The following DYNAP variants were observed in gnomAD, a reference collection of about 807,000 sequenced individuals.
DYNAP encodes dynactin associated protein.
In DYNAP, 7 loss-of-function variants were observed where a neutral mutation model predicts 8.5. That is an observed-to-expected ratio of 0.82 (90% CI 0.47 to 1.54). The LOEUF (loss-of-function observed/expected upper bound fraction) is 1.54. DYNAP is among the 40% of genes most tolerant of loss of function. The pLI, the probability that DYNAP is intolerant of heterozygous loss-of-function variation, is 0.01. For synonymous variants in DYNAP, 77 were observed against 77.9 expected (o/e 0.99, Z 0.06); for missense variants, 256 against 224.3 (o/e 1.14, Z -0.90).
chr18:54,596,348 C>T (rs1911287799), intron 2 of DYNAP, among the ~76,000 whole-genome samples: 1 of 152,096 alleles, frequency 6.6e-6, no homozygotes, highest in Non-Finnish European at 1.5e-5. Context: ...GCTAGGATTA[C>T]AAGCATGAAC....
In DYNAP at chr18:54,599,085, A is replaced by G. The variant is rs1911431115; in HGVS notation, c.*940A>G. 6.6e-6 allele frequency: 1 copy of G among 152,116 alleles called. No homozygotes were observed. The allele number at this position is 152,116 out of a possible 1,614,324, so 9.4% of individuals were successfully genotyped here. A position where few individuals can be genotyped will look rare whatever the true frequency, so the allele number is the denominator to read the frequency against. On this transcript the variant is annotated 3_prime_UTR_variant, in exon 3 of 3. Transcript: ENST00000648945. ...CCAAGCCAATGTATTTCTTAAATGT[A>G]TTTGATTGATGTCTCATGTCTCCCT...
the DYNAP span, among the ~76,000 whole-genome samples, chr18:54,580,268 C>T: frequency 3.9e-4 from 60 of 152,282 alleles, 2 homozygotes; most frequent in South Asian, 0.012. Context: ...TAACAAAATA[C>T]TCCTTCAGCA....
chr18:54,592,433 G>A (rs1911117738), intron 1 of DYNAP, among the ~76,000 whole-genome samples: 1 of 151,496 alleles, frequency 6.6e-6, no homozygotes, highest in Non-Finnish European at 1.5e-5. Flanking sequence ...ATATTATTCA[G>A]GCATAGATAT....
the DYNAP span, among the ~76,000 whole-genome samples, chr18:54,577,276 T>G: frequency 6.6e-6 from 1 of 152,120 alleles, no homozygotes; most frequent in African/African-American, 2.4e-5. Context: ...TATTAATTTA[T>G]TAAGCTCCCT....
upstream of DYNAP, among the ~76,000 whole-genome samples, chr18:54,584,328 C>T (rs1296035698): frequency 6.7e-6 from 1 of 149,210 alleles, no homozygotes; most frequent in Non-Finnish European, 1.5e-5. Flanking sequence ...CCTAAGAATG[C>T]ATATTCAAGA....
chr18:54,591,473 A>T, intron 1 of DYNAP, 134 bp downstream of exon 1: 2 of 1,001,670 alleles, frequency 2.0e-6, no homozygotes, highest in African/African-American at 1.7e-5. Flanking sequence ...ATAAAGAGCA[A>T]CCCTGTATCA....
At chr18:54,584,321 A>T (rs995516718), upstream of DYNAP, among the ~76,000 whole-genome samples, 7 of 149,498 alleles carry the variant, frequency 4.7e-5, no homozygotes, top group African/African-American at 7.3e-5. Context: ...AAATATGCCT[A>T]AGAATGCATA....
At chr18:54,589,674 A>C (rs571710685), upstream of DYNAP, among the ~76,000 whole-genome samples, 1 of 152,296 alleles carries the variant, frequency 6.6e-6, no homozygotes, top group South Asian at 2.1e-4. Context: ...TCTTTATGCC[A>C]TTGATGTAAT....
At chr18:54,584,193 A>C (rs72937191), upstream of DYNAP, among the ~76,000 whole-genome samples, 3,208 of 150,792 alleles carry the variant, frequency 0.021, 76 homozygotes, top group Admixed American at 0.072. Context: ...TACACACCTG[A>C]TGATACAGAA....
Position 54,598,189 on chromosome 18 carries a change from T to C in DYNAP, c.*44T>C. On this transcript the variant is annotated 3_prime_UTR_variant, in exon 3 of 3. Transcript: ENST00000648945. ...TCACTTCAACTGAAACTTCAACCTC[T>C]ACCACTTCAACTCAGTTTGCAACTA... 1.3e-6 allele frequency: 2 copies of C among 1,557,774 alleles called. No homozygotes were observed. The highest frequency in any genetic ancestry group is 1.7e-6 in the Non-Finnish European group (2 of 1,148,166).
chr18:54,582,683 C>T, the DYNAP span, among the ~76,000 whole-genome samples: 1 of 152,200 alleles, frequency 6.6e-6, no homozygotes, highest in African/African-American at 2.4e-5. Context: ...TGTTGTCCCT[C>T]TCCTTCCTCT....
At chr18:54,576,875 A>G in the DYNAP span, among the ~76,000 whole-genome samples, 1 of 152,120 alleles carries the variant, frequency 6.6e-6, no homozygotes, top group African/African-American at 2.4e-5. Context: ...GGACAAAACT[A>G]CTTTGCCTTG....
chr18:54,584,789 A>G (rs1240076626), upstream of DYNAP, among the ~76,000 whole-genome samples: 1 of 152,176 alleles, frequency 6.6e-6, no homozygotes, highest in Non-Finnish European at 1.5e-5. Context: ...CTATTTAGCC[A>G]TGGGAATGTG....
At chr18:54,594,852 A>T in intron 1 of DYNAP, 87 bp from the exon 2 acceptor site, 1 of 1,398,732 alleles carries the variant, frequency 7.1e-7, no homozygotes, top group South Asian at 1.4e-5. Context: ...TCATACTCTT[A>T]GGTACTTTTG....
chr18:54,597,691 C>A, intron 2 of DYNAP, 122 bp from the exon 3 acceptor site: 7 of 995,062 alleles, frequency 7.0e-6, no homozygotes, highest in Non-Finnish European at 7.1e-6. Flanking sequence ...TCAAGCCCAT[C>A]TTTCAGAGAC....
intron 2 of DYNAP, among the ~76,000 whole-genome samples, chr18:54,595,626 C>G (rs549614359): frequency 6.6e-6 from 1 of 152,118 alleles, no homozygotes; most frequent in Non-Finnish European, 1.5e-5. Flanking sequence ...CCTTACTGTT[C>G]TCTGGAGCAT....
upstream of DYNAP, among the ~76,000 whole-genome samples, chr18:54,590,312 G>A (rs556912819): frequency 8.5e-5 from 13 of 152,146 alleles, no homozygotes; most frequent in African/African-American, 3.1e-4. Flanking sequence ...TGTCCTCAAG[G>A]TTCATCTGTG....
At chr18:54,577,584 A>T in the DYNAP span, among the ~76,000 whole-genome samples, 8 of 151,138 alleles carry the variant, frequency 5.3e-5, no homozygotes. Context: ...TCTAAAAAAA[A>T]AATGTAAAAT....
At chr18:54,580,489 A>T in the DYNAP span, among the ~76,000 whole-genome samples, 1 of 152,224 alleles carries the variant, frequency 6.6e-6, no homozygotes, top group Non-Finnish European at 1.5e-5. Flanking sequence ...TTGAATGTAC[A>T]CCAACAACAG....
Sources: gnomAD v4.1 joint callset for allele counts (sites outside exome capture counted in the v4.1 genomes callset) on GRCh38, gnomAD v4.1.1 for gene constraint, MANE v1.5 for transcripts, NCBI Gene and HGNC (gene_info 2026-07-23, HGNC 2026-07-21) for gene names.